TRMT10B: variants seen among roughly 807,000 people sequenced by gnomAD.
TRMT10B encodes the protein tRNA methyltransferase 10B.
In TRMT10B, 33 loss-of-function variants were observed where a neutral mutation model predicts 43.8. That is an observed-to-expected ratio of 0.75 (90% confidence interval 0.57 to 1.01). The LOEUF (loss-of-function observed/expected upper bound fraction) is 1.01, where lower values mean the gene tolerates loss of function less well. Among genes scored for constraint, TRMT10B ranks in the 50% least tolerant of loss-of-function variants. TRMT10B has a pLI of 0.00. For missense variants in TRMT10B, 362 were observed against 369.8 expected, an observed-to-expected ratio of 0.98 and a Z score of 0.17; for synonymous variants, 137 against 130.6, an observed-to-expected ratio of 1.05 and a Z score of -0.34.
chr9:37,762,513 G>A (rs780776783), intron 2 of TRMT10B, 64 bp from the exon 3 acceptor site: 228 of 1,515,752 alleles, frequency 1.5e-4, no homozygotes, highest in Non-Finnish European at 2.0e-4. Flanking sequence ...TGTTTCTAAT[G>A]TTCATTTTCC....
intron 2 of TRMT10B, 85 bp downstream of exon 2, chr9:37,762,202 GAA>G (rs1826417607): frequency 6.5e-6 from 9 of 1,375,762 alleles, no homozygotes; most frequent in Admixed American, 2.6e-5. Context: ...TACTGGTAGT[GAA>G]AAGAGAGACG....
chr9:37,758,403 C>A (rs1563984904), intron 1 of TRMT10B, among the ~76,000 whole-genome samples: 1 of 152,130 alleles, frequency 6.6e-6, no homozygotes, highest in Non-Finnish European at 1.5e-5. Context: ...CAGAGTGAGA[C>A]CCTGTCTGAA....
intron 4 of TRMT10B, among the ~76,000 whole-genome samples, chr9:37,766,337 T>C (rs528685403): frequency 6.6e-6 from 1 of 152,358 alleles, no homozygotes; most frequent in African/African-American, 2.4e-5. Context: ...AAATAGGGTA[T>C]CCTTTCCCCA....
chr9:37,757,600 A>G (rs964877344), intron 1 of TRMT10B, among the ~76,000 whole-genome samples: 3 of 152,242 alleles, frequency 2.0e-5, no homozygotes, highest in Non-Finnish European at 4.4e-5. Flanking sequence ...ATCTTCAGGA[A>G]TATATCTGGT....
chr9:37,761,898 TCCAG>T lies in TRMT10B; in HGVS notation c.-29-4_-29-1del. On this transcript the variant is annotated splice_acceptor_variant and splice_polypyrimidine_tract_variant and intron_variant, in intron 1 of 8. Coordinates refer to ENST00000297994, the MANE Select transcript of TRMT10B (RefSeq NM_144964.4). LOFTEE classifies it low-confidence loss of function (5UTR_SPLICE). ...AATAGCTCACATAATTGTGCCTTTT[TCCAG>T]TCTGGTGGAAAGGACAGAGGACTAA... 6.3e-7 allele frequency: 1 copy of T among 1,576,780 alleles called. No individual in the cohort carries two copies. The highest frequency in any genetic ancestry group is 1.1e-5 in the South Asian group (1 of 88,386).
chr9:37,765,761 T>C (rs1826921056), intron 4 of TRMT10B, among the ~76,000 whole-genome samples: 1 of 152,218 alleles, frequency 6.6e-6, no homozygotes. Context: ...GTTTCCTGAC[T>C]TTTTAATGAT....
chr9:37,758,988 A>G (rs1403419155), intron 1 of TRMT10B, among the ~76,000 whole-genome samples: 1 of 152,144 alleles, frequency 6.6e-6, no homozygotes, highest in African/African-American at 2.4e-5. Context: ...AGCCCCAGAA[A>G]TCTGTGTACG....
chr9:37,765,952 G>GTTTA (rs1826944912), intron 4 of TRMT10B, among the ~76,000 whole-genome samples: 1 of 110,068 alleles, frequency 9.1e-6, no homozygotes, highest in Non-Finnish European at 1.9e-5. Flanking sequence ...TTGTAAATTT[G>GTTTA]AGTTCATTGT....
At chr9:37,771,767 C>T (rs1827607983) in intron 7 of TRMT10B, among the ~76,000 whole-genome samples, 1 of 152,220 alleles carries the variant, frequency 6.6e-6, no homozygotes, top group African/African-American at 2.4e-5. Context: ...TTTAACATTA[C>T]AGTAAAGCAT....
At position 37,763,821 on chromosome 9, in the gene TRMT10B, G is replaced by A. The variant is rs191294695; in HGVS notation, c.420+68G>A. On this transcript the variant is annotated intron_variant, in intron 4 of 8. Coordinates refer to ENST00000297994, the MANE Select transcript of TRMT10B (RefSeq NM_144964.4). ...GAGGCCCAGAAGGGTACAGCTTTCC[G>A]AAGAATATGGTCAACTCCAGCTTCT... 1,049 of 1,610,562 alleles carry A rather than the reference G, an allele frequency of 6.5e-4. 20 individuals are homozygous for A. The South Asian group carries it at 0.011, about 16-fold the overall frequency.
chr9:37,766,046 G>T (rs1826954358), intron 4 of TRMT10B, among the ~76,000 whole-genome samples: 1 of 151,988 alleles, frequency 6.6e-6, no homozygotes, highest in Admixed American at 6.6e-5. Context: ...CACTCTGATG[G>T]TGGTTTCTTT....
chr9:37,761,786 GTTCAGTAT>G (rs1199724664), intron 1 of TRMT10B, 109 bp from the exon 2 acceptor site: 1 of 682,764 alleles, frequency 1.5e-6, no homozygotes, highest in East Asian at 2.8e-5. Flanking sequence ...AGTAAATCTG[GTTCAGTAT>G]TTTACACACT....
chr9:37,757,888 G>A (rs781254736), intron 1 of TRMT10B, among the ~76,000 whole-genome samples: 3 of 152,190 alleles, frequency 2.0e-5, no homozygotes, highest in Non-Finnish European at 4.4e-5. Context: ...TGGGAAGTGT[G>A]TCTGAATTCT....
Position 37,778,588 on chromosome 9 carries a change from C to G in TRMT10B, c.*881C>G, listed in dbSNP as rs1190909748. The G allele has an allele frequency of 2.0e-5, 3 of 152,060 alleles. No individual in the cohort carries two copies. Among genetic ancestry groups the G allele is most frequent in the African/African-American group, 7.2e-5 (3 of 41,398 alleles). The allele number at this position is 152,060 out of a possible 1,614,324, so 9.4% of individuals were successfully genotyped here. On this transcript the variant is annotated 3_prime_UTR_variant, in exon 9 of 9. Transcript: ENST00000297994. ...ACGTGCTAATTCAACTTTTGTACAT[C>G]TATTTGTGAGAGACCTCTTGAAATT...
rs150664181 is a variant in TRMT10B at position 37,760,349 on chromosome 9, C to A, written c.-29-1554C>A. Among the ~76,000 whole-genome samples, 600 of 152,206 alleles carry A rather than the reference C, an allele frequency of 3.9e-3. 4 individuals carry two copies. Among genetic ancestry groups the A allele is most frequent in the African/African-American group, 0.014 (576 of 41,538 alleles). On this transcript the variant is annotated intron_variant, in intron 1 of 8. Coordinates refer to ENST00000297994, the MANE Select transcript of TRMT10B (RefSeq NM_144964.4). ...AATAAGTAATTTAAATAGGGGTTGA[C>A]CCCTATCTCTACAGAAAATTTTAAA...
At position 37,761,958 on chromosome 9, in the gene TRMT10B, T is replaced by G; in HGVS notation, c.27T>G (p.Thr9=). The G allele has an allele frequency of 6.2e-7, 1 of 1,613,664 alleles. No individual in the cohort carries two copies. The highest frequency in any genetic ancestry group is 8.5e-7 in the Non-Finnish European group (1 of 1,179,724). MDWKLEGS[T]QKVESPVLQG... is the part of the protein sequence containing the mutation. ...TGGACTGGAAATTGGAAGGGAGTAC[T>G]CAGAAAGTAGAGTCACCTGTGCTGC... Residue 9 remains threonine, a synonymous_variant, in exon 2 of 9, where the codon ACT becomes ACG. Transcript: ENST00000297994.
At chr9:37,769,176 T>C (rs952014256) in intron 5 of TRMT10B, among the ~76,000 whole-genome samples, 1 of 151,718 alleles carries the variant, frequency 6.6e-6, no homozygotes, top group Non-Finnish European at 1.5e-5. Flanking sequence ...GGTGCAGTGG[T>C]GCGCGCCTGT....
At chr9:37,762,418 C>A in intron 2 of TRMT10B, 159 bp from the exon 3 acceptor site, 1 of 1,132,704 alleles carries the variant, frequency 8.8e-7, no homozygotes, top group Non-Finnish European at 1.2e-6. Flanking sequence ...TCTGTTTTCT[C>A]TAAACACGAT....
rs768946729 is a variant in TRMT10B at position 37,777,763 on chromosome 9, T to C, written c.*56T>C. On this transcript the variant is annotated 3_prime_UTR_variant, in exon 9 of 9. Transcript: ENST00000297994. ...TGCTCACGCCGTAATGCCAACACTT[T>C]GGTAGACCGAAGTGGGCAGATCACC... 1.3e-4 allele frequency: 193 copies of C among 1,434,284 alleles called. No individual in the cohort carries two copies. The highest frequency in any genetic ancestry group is 1.8e-4 in the Non-Finnish European group (187 of 1,018,776). The allele number at this position is 1,434,284 out of a possible 1,614,324, so 88.8% of individuals were successfully genotyped here. A position where few individuals can be genotyped will look rare whatever the true frequency, so the allele number is the denominator to read the frequency against.
Sources: allele counts gnomAD v4.1 joint callset (sites outside exome capture counted in the v4.1 genomes callset), GRCh38; gene constraint gnomAD v4.1.1; transcripts MANE v1.5; gene names NCBI Gene and HGNC (gene_info 2026-07-23, HGNC 2026-07-21).